WIF1: variants seen among roughly 807,000 people sequenced by gnomAD.
WIF1 encodes the protein Wnt inhibitory factor 1.
Under a neutral mutation model 53.5 loss-of-function variants are expected in WIF1, and 35 were observed. That is an observed-to-expected ratio of 0.65 (90% CI 0.50 to 0.87). The LOEUF (loss-of-function observed/expected upper bound fraction) is 0.87. WIF1 is among the 40% of genes least tolerant of loss of function. The probability of loss-of-function intolerance (pLI) is 0.00; values close to 1 mark genes in which losing one functional copy is unlikely to be tolerated. For synonymous variants in WIF1, 171 were observed against 170.4 expected, an observed-to-expected ratio of 1.00 and a Z score of -0.03; for missense variants, 467 against 476.8, an observed-to-expected ratio of 0.98 and a Z score of 0.19.
chr12:65,094,399 A>C (rs1268422242), intron 2 of WIF1, among the ~76,000 whole-genome samples: 1 of 152,212 alleles, frequency 6.6e-6, no homozygotes, highest in Non-Finnish European at 1.5e-5. Flanking sequence ...TCTCATGTGA[A>C]GATCCCAAAT....
At chr12:65,066,771 T>C in intron 5 of WIF1, 35 bp from the exon 6 acceptor site, 2 of 1,513,660 alleles carry the variant, frequency 1.3e-6, no homozygotes, top group South Asian at 1.3e-5. Flanking sequence ...TAAGGCCAAA[T>C]GGTATTTTGG....
chr12:65,079,757 C>CT (rs1882920248), intron 2 of WIF1, among the ~76,000 whole-genome samples: 2 of 152,010 alleles, frequency 1.3e-5, no homozygotes, highest in South Asian at 4.1e-4. Context: ...TCTGCAGTTA[C>CT]CTGTAGAGAC....
At chr12:65,052,643 A>G (rs1489332114) in intron 9 of WIF1, among the ~76,000 whole-genome samples, 2 of 152,220 alleles carry the variant, frequency 1.3e-5, no homozygotes, top group Admixed American at 6.5e-5. Flanking sequence ...TAGCTAATGT[A>G]CAAAATGGCT....
rs78749212 is a variant in WIF1 at position 65,077,705 on chromosome 12, C to T, written c.397+41G>A. ...ATCTTAAATATTCTTATCATCATTACATTTTAAGTGTAAACCTTTCTTCAG... is the reference window on the plus strand; with the variant it reads ...ATCTTAAATATTCTTATCATCATTATATTTTAAGTGTAAACCTTTCTTCAG... On this transcript the variant is annotated intron_variant, in intron 3 of 9. Coordinates refer to ENST00000286574, the MANE Select transcript of WIF1 (RefSeq NM_007191.5). The T allele has an allele frequency of 8.0e-4, 1,108 of 1,376,576 alleles. 15 individuals carry two copies. The East Asian group carries it at 0.019, about 24-fold the overall frequency. The allele number at this position is 1,376,576 out of a possible 1,614,324, so 85.3% of individuals were successfully genotyped here.
intron 6 of WIF1, among the ~76,000 whole-genome samples, chr12:65,065,794 T>C (rs1882678804): frequency 6.6e-6 from 1 of 151,826 alleles, no homozygotes; most frequent in African/African-American, 2.4e-5. Context: ...TTTTTTCCAC[T>C]TAAAAGATGT....
intron 9 of WIF1, among the ~76,000 whole-genome samples, chr12:65,052,237 T>C (rs1882451992): frequency 1.3e-5 from 2 of 152,224 alleles, no homozygotes; most frequent in Admixed American, 6.5e-5. Flanking sequence ...AAATTCAGCA[T>C]TTATTTATTC....
intron 2 of WIF1, among the ~76,000 whole-genome samples, chr12:65,096,475 ACAAC>A (rs1456710706): frequency 6.6e-6 from 1 of 152,216 alleles, no homozygotes; most frequent in Non-Finnish European, 1.5e-5. Context: ...TCAAGGATCT[ACAAC>A]CAGAAATACC....
At chr12:65,115,816 C>T (rs1397334377) in intron 2 of WIF1, among the ~76,000 whole-genome samples, 1 of 151,976 alleles carries the variant, frequency 6.6e-6, no homozygotes, top group Non-Finnish European at 1.5e-5. Context: ...TGATTTCAGG[C>T]AAGAAAGATT....
chr12:65,103,526 T>TAAA (rs1883311058), intron 2 of WIF1, among the ~76,000 whole-genome samples: 2 of 152,186 alleles, frequency 1.3e-5, no homozygotes, highest in African/African-American at 4.8e-5. Flanking sequence ...ACTAGATAAA[T>TAAA]GTTCAAACTT....
At chr12:65,077,945 T>G (rs953590726) in intron 2 of WIF1, 91 bp from the exon 3 acceptor site, 2 of 944,228 alleles carry the variant, frequency 2.1e-6, no homozygotes, top group South Asian at 1.5e-5. Context: ...GGGGCAGAGA[T>G]AATTTTCATT....
chr12:65,055,707 G>A (rs531508934), intron 8 of WIF1, among the ~76,000 whole-genome samples: 13 of 152,320 alleles, frequency 8.5e-5, no homozygotes, highest in South Asian at 4.1e-4. Context: ...CCTGGGGGGC[G>A]GAGGTTTCAA....
intron 2 of WIF1, among the ~76,000 whole-genome samples, chr12:65,114,439 C>T (rs779791581): frequency 6.6e-6 from 1 of 152,136 alleles, no homozygotes; most frequent in Non-Finnish European, 1.5e-5. Context: ...GTACTTTTCT[C>T]ACTTTAAAGG....
At chr12:65,114,231 A>G (rs139227804) in intron 2 of WIF1, among the ~76,000 whole-genome samples, 23 of 152,110 alleles carry the variant, frequency 1.5e-4, no homozygotes, top group Admixed American at 3.3e-4. Flanking sequence ...CACTTTTAAT[A>G]TAAGTCTCTA....
intron 2 of WIF1, among the ~76,000 whole-genome samples, chr12:65,080,986 A>G (rs974891747): frequency 6.6e-6 from 1 of 152,114 alleles, no homozygotes. Flanking sequence ...ATAAACTTTT[A>G]GTTAATAAGA....
chr12:65,113,037 G>A (rs1883456618), intron 2 of WIF1, among the ~76,000 whole-genome samples: 1 of 152,122 alleles, frequency 6.6e-6, no homozygotes, highest in Non-Finnish European at 1.5e-5. Context: ...GCAGGTACTG[G>A]GTTTATTTCT....
chr12:65,067,627 C>T (rs1882706831), intron 5 of WIF1, 68 bp downstream of exon 5: 1 of 1,468,924 alleles, frequency 6.8e-7, no homozygotes, highest in East Asian at 2.3e-5. Flanking sequence ...ACACAATACA[C>T]ATGGGGCTCC....
intron 2 of WIF1, among the ~76,000 whole-genome samples, chr12:65,105,996 A>G (rs2136292170): frequency 6.6e-6 from 1 of 152,266 alleles, no homozygotes; most frequent in East Asian, 1.9e-4. Flanking sequence ...TTGACCCTTG[A>G]GTGTTTACAG....
At chr12:65,108,343 G>C (rs535247805) in intron 2 of WIF1, among the ~76,000 whole-genome samples, 113 of 152,278 alleles carry the variant, frequency 7.4e-4, no homozygotes, top group African/African-American at 2.6e-3. Flanking sequence ...GGAGGATTCA[G>C]TCTTCAAAAT....
intron 2 of WIF1, among the ~76,000 whole-genome samples, chr12:65,085,537 C>A (rs185005160): frequency 6.6e-6 from 1 of 152,288 alleles, no homozygotes; most frequent in East Asian, 1.9e-4. Flanking sequence ...GCTTTTGAAA[C>A]TAGCTCTTAG....
Sources: gnomAD v4.1 joint callset for allele counts (sites outside exome capture counted in the v4.1 genomes callset) on GRCh38, gnomAD v4.1.1 for gene constraint, MANE v1.5 for transcripts, NCBI Gene and HGNC (gene_info 2026-07-23, HGNC 2026-07-21) for gene names.